HEXB: variants seen among roughly 807,000 people sequenced by gnomAD.
The protein encoded by HEXB is hexosaminidase subunit beta.
In HEXB, 51 loss-of-function variants were observed where a neutral mutation model predicts 71.2. The observed-to-expected ratio is 0.72, with a 90% CI of 0.57 to 0.90. The LOEUF is 0.90. Ranked by LOEUF, HEXB falls within the 40% of genes least tolerant of loss-of-function variation. The pLI is 0.00. For synonymous variants in HEXB, 266 were observed against 249.3 expected, an observed-to-expected ratio of 1.07 and a Z score of -0.63; for missense variants, 617 against 677.0, an observed-to-expected ratio of 0.91 and a Z score of 0.98.
chr5:74,701,045 C>G (rs868435852), intron 5 of HEXB, among the ~76,000 whole-genome samples: 3 of 151,060 alleles, frequency 2.0e-5, no homozygotes, highest in East Asian at 1.9e-4. Context: ...AAGAACCCTG[C>G]TAACATTTTT....
chr5:74,716,522 C>A, intron 8 of HEXB, 65 bp from the exon 9 acceptor site: 1 of 953,482 alleles, frequency 1.0e-6, no homozygotes, highest in East Asian at 2.4e-5. Flanking sequence ...GGCATGTATA[C>A]TGCTCTAAAT....
chr5:74,661,148 TG>T (rs1748312125), intron 1 of HEXB, among the ~76,000 whole-genome samples: 1 of 152,204 alleles, frequency 6.6e-6, no homozygotes, highest in African/African-American at 2.4e-5. Context: ...CTCTGGCTTT[TG>T]GGATGACAAG....
upstream of HEXB, among the ~76,000 whole-genome samples, chr5:74,682,306 C>G (rs1748753595): frequency 6.6e-6 from 1 of 152,130 alleles, no homozygotes; most frequent in South Asian, 2.1e-4. Context: ...TGCAGTGAGC[C>G]GAGATGGCTC....
At chr5:74,679,527 G>A (rs189813295) in intron 1 of HEXB, among the ~76,000 whole-genome samples, 6 of 152,188 alleles carry the variant, frequency 3.9e-5, no homozygotes, top group South Asian at 2.1e-4. Context: ...TTGGCCAGGC[G>A]CGGTGGCTCA....
chr5:74,647,571 A>C (rs1006207194), intron 1 of HEXB, among the ~76,000 whole-genome samples: 2 of 152,232 alleles, frequency 1.3e-5, no homozygotes, highest in African/African-American at 4.8e-5. Context: ...TCTCCTCATG[A>C]TTTTGAAAAC....
At chr5:74,696,432 C>A (rs758845054) in intron 3 of HEXB, among the ~76,000 whole-genome samples, 10 of 152,038 alleles carry the variant, frequency 6.6e-5, no homozygotes, top group African/African-American at 1.4e-4. Context: ...TTGAAACAAC[C>A]CCCAGGGTAT....
At chr5:74,708,509 A>C (rs1371588839) in intron 6 of HEXB, among the ~76,000 whole-genome samples, 2 of 151,656 alleles carry the variant, frequency 1.3e-5, no homozygotes, top group African/African-American at 4.8e-5. Context: ...TTGGATAAAG[A>C]GTCAAGACCC....
chr5:74,712,954 A>C (rs1337497314), intron 6 of HEXB, among the ~76,000 whole-genome samples: 1 of 152,170 alleles, frequency 6.6e-6, no homozygotes, highest in Non-Finnish European at 1.5e-5. Context: ...TCTGGAGTCT[A>C]TATGGGAATT....
chr5:74,684,884 C>T (rs1580376652), upstream of HEXB, among the ~76,000 whole-genome samples: 1 of 152,044 alleles, frequency 6.6e-6, no homozygotes, highest in Admixed American at 6.5e-5. Flanking sequence ...ACCAATTTGG[C>T]CAGGCTGGTC....
At chr5:74,717,477 C>CATATATATAT (rs57555383) in intron 9 of HEXB, among the ~76,000 whole-genome samples, 1,532 of 146,616 alleles carry the variant, frequency 0.01, 14 homozygotes, top group Middle Eastern at 0.032. Flanking sequence ...CTGAAAAATG[C>CATATATATAT]ATATATATAT....
At chr5:74,650,385 T>G (rs948228427) in intron 1 of HEXB, among the ~76,000 whole-genome samples, 2 of 152,170 alleles carry the variant, frequency 1.3e-5, no homozygotes, top group Non-Finnish European at 2.9e-5. Flanking sequence ...GCAAATGATG[T>G]TTACCTAAGC....
At chr5:74,666,596 C>T (rs1044348087) in intron 1 of HEXB, among the ~76,000 whole-genome samples, 5 of 152,202 alleles carry the variant, frequency 3.3e-5, no homozygotes, top group Non-Finnish European at 4.4e-5. Context: ...CCCCCAAAGT[C>T]ACAGCCCTAA....
chr5:74,713,690 G>T, intron 7 of HEXB, 55 bp downstream of exon 7: 1 of 1,428,588 alleles, frequency 7.0e-7, no homozygotes, highest in South Asian at 1.2e-5. Context: ...TTGAGATGGA[G>T]TCTTGTTCTG....
At chr5:74,713,767 G>A (rs767661253) in intron 7 of HEXB, 132 bp downstream of exon 7, 6 of 734,330 alleles carry the variant, frequency 8.2e-6, no homozygotes, top group African/African-American at 1.7e-5. Flanking sequence ...AGGATCAAGC[G>A]ATTCTCCTGC....
At chr5:74,653,102 AG>A (rs1748151555) in intron 1 of HEXB, among the ~76,000 whole-genome samples, 1 of 152,224 alleles carries the variant, frequency 6.6e-6, no homozygotes, top group Non-Finnish European at 1.5e-5. Context: ...CTACAGTAGG[AG>A]GCATTATAAA....
chr5:74,660,792 A>G (rs898744723), intron 1 of HEXB, among the ~76,000 whole-genome samples: 2 of 152,230 alleles, frequency 1.3e-5, no homozygotes, highest in Non-Finnish European at 2.9e-5. Flanking sequence ...GTGCTCACAG[A>G]TCTCATCAAA....
intron 5 of HEXB, among the ~76,000 whole-genome samples, chr5:74,699,907 G>A (rs1749219147): frequency 7.4e-6 from 1 of 135,836 alleles, no homozygotes; most frequent in Non-Finnish European, 1.6e-5. Context: ...ATATCTCCTT[G>A]TTTTAATGTG....
intron 1 of HEXB, among the ~76,000 whole-genome samples, chr5:74,687,444 T>C (rs1363738578): frequency 6.6e-6 from 1 of 152,258 alleles, no homozygotes; most frequent in Non-Finnish European, 1.5e-5. Flanking sequence ...GTTAGATGCA[T>C]AGCTGCTTCT....
At chr5:74,647,260 TG>T (rs1434359639) in intron 1 of HEXB, among the ~76,000 whole-genome samples, 2 of 152,258 alleles carry the variant, frequency 1.3e-5, no homozygotes, top group African/African-American at 4.8e-5. Context: ...ATGCAGGTTT[TG>T]TTTGGCCTCT....
Sources: gnomAD v4.1 joint callset for allele counts (sites outside exome capture counted in the v4.1 genomes callset) on GRCh38, gnomAD v4.1.1 for gene constraint, MANE v1.5 for transcripts, NCBI Gene and HGNC (gene_info 2026-07-23, HGNC 2026-07-21) for gene names.